EYA4: variants seen among roughly 807,000 people sequenced by gnomAD.
EYA4 encodes the protein protein phosphatase EYA4.
Under a neutral mutation model 87.9 loss-of-function variants are expected in EYA4, and 31 were observed. The ratio of observed to expected loss-of-function variants is 0.35; its 90% CI spans 0.27 to 0.48. EYA4 has a LOEUF of 0.48. EYA4 is among the 20% of genes least tolerant of loss of function. The pLI is 0.99. For synonymous variants in EYA4, 263 were observed against 270.6 expected, an observed-to-expected ratio of 0.97 and a Z score of 0.28; for missense variants, 678 against 761.4, an observed-to-expected ratio of 0.89 and a Z score of 1.29.
At chr6:133,496,154 T>C (rs1386540854) in intron 13 of EYA4, among the ~76,000 whole-genome samples, 1 of 152,156 alleles carries the variant, frequency 6.6e-6, no homozygotes, top group East Asian at 1.9e-4. Context: ...GGACTTTGCA[T>C]TGCTAATAAC....
intron 3 of EYA4, among the ~76,000 whole-genome samples, chr6:133,414,821 A>T (rs1158057417): frequency 6.6e-6 from 1 of 151,840 alleles, no homozygotes; most frequent in African/African-American, 2.4e-5. Flanking sequence ...GTTCCCTGTT[A>T]CTCCATCTTA....
At chr6:133,318,849 T>G (rs1780826919) in intron 2 of EYA4, among the ~76,000 whole-genome samples, 2 of 152,218 alleles carry the variant, frequency 1.3e-5, no homozygotes, top group African/African-American at 2.4e-5. Context: ...TACTTTCTTC[T>G]TCCACTTCCT....
At chr6:133,294,627 G>A (rs1030320169) in intron 2 of EYA4, among the ~76,000 whole-genome samples, 6 of 151,976 alleles carry the variant, frequency 3.9e-5, no homozygotes, top group African/African-American at 1.5e-4. Context: ...GAGTGCAGTG[G>A]TGCGATCTCG....
At chr6:133,421,321 TAAG>T (rs1790201405) in intron 3 of EYA4, among the ~76,000 whole-genome samples, 1 of 152,184 alleles carries the variant, frequency 6.6e-6, no homozygotes, top group Admixed American at 6.5e-5. Flanking sequence ...TTGTAGAACC[TAAG>T]AAGGAGAGCT....
intron 1 of EYA4, among the ~76,000 whole-genome samples, chr6:133,273,097 G>GTATATATATATATATATATA (rs3065331): frequency 1.7e-4 from 18 of 106,636 alleles, no homozygotes; most frequent in Admixed American, 1.4e-3. Flanking sequence ...ATATATATAT[G>GTATATATATATATATATATA]TATATATATA....
At position 133,468,063 on chromosome 6, in the gene EYA4, A is replaced by G. The variant is rs76773482; in HGVS notation, c.805-503A>G. Reference sequence around the variant, plus strand: ...ATTCATCTTCTTTTATTTACTTTTTACCTCCTGCCAAGAAAACAGAATTAT... The same window carrying G: ...ATTCATCTTCTTTTATTTACTTTTTGCCTCCTGCCAAGAAAACAGAATTAT... On this transcript the variant is annotated intron_variant, in intron 10 of 19. Coordinates refer to ENST00000355286, the MANE Select transcript of EYA4 (RefSeq NM_004100.5). 4.7e-4 allele frequency among the ~76,000 whole-genome samples: 71 copies of G among 152,082 alleles called. 1 individual carries two copies. In the East Asian group the frequency reaches 0.013, roughly 28 times the overall value.
At chr6:133,514,246 T>C (rs533183142) in intron 16 of EYA4, among the ~76,000 whole-genome samples, 1 of 152,338 alleles carries the variant, frequency 6.6e-6, no homozygotes, top group East Asian at 1.9e-4. Context: ...TCTAGTGCTC[T>C]GTACATGATG....
chr6:133,388,786 G>A (rs747170282), intron 3 of EYA4, among the ~76,000 whole-genome samples: 2 of 152,178 alleles, frequency 1.3e-5, no homozygotes, highest in African/African-American at 2.4e-5. Flanking sequence ...CATTCATACC[G>A]TGTTTATTTA....
intron 2 of EYA4, among the ~76,000 whole-genome samples, chr6:133,319,866 G>A (rs1780937929): frequency 6.6e-6 from 1 of 151,748 alleles, no homozygotes; most frequent in South Asian, 2.1e-4. Context: ...ATCGGTGTGT[G>A]CCACCATGCC....
intron 4 of EYA4, among the ~76,000 whole-genome samples, chr6:133,447,813 A>G (rs1793001634): frequency 6.6e-6 from 1 of 152,236 alleles, no homozygotes; most frequent in African/African-American, 2.4e-5. Context: ...GCAATTGCAA[A>G]TGTATAGAAT....
chr6:133,357,157 G>C (rs919319275), intron 2 of EYA4, among the ~76,000 whole-genome samples: 4 of 150,340 alleles, frequency 2.7e-5, no homozygotes, highest in African/African-American at 9.8e-5. Context: ...TGTAGTCCCA[G>C]CTACTTGGGA....
chr6:133,340,345 T>C (rs984727617), intron 2 of EYA4, among the ~76,000 whole-genome samples: 1 of 152,218 alleles, frequency 6.6e-6, no homozygotes, highest in Admixed American at 6.5e-5. Context: ...GTTCTTCTGC[T>C]GCCTTTGCCT....
chr6:133,392,881 A>G (rs1444085702), intron 3 of EYA4, among the ~76,000 whole-genome samples: 2 of 152,120 alleles, frequency 1.3e-5, no homozygotes, highest in African/African-American at 4.8e-5. Flanking sequence ...GAGCTCAGAA[A>G]TCTTTGTGGT....
chr6:133,327,128 AT>A (rs1283297664), intron 2 of EYA4, among the ~76,000 whole-genome samples: 7 of 152,016 alleles, frequency 4.6e-5, no homozygotes, highest in African/African-American at 1.4e-4. Context: ...TTACACTAAA[AT>A]TTATTTTATT....
intron 3 of EYA4, among the ~76,000 whole-genome samples, chr6:133,413,644 A>ACTTGTAT (rs1789445787): frequency 1.3e-5 from 2 of 151,524 alleles, no homozygotes; most frequent in African/African-American, 2.4e-5. Flanking sequence ...GTGTTCTATC[A>ACTTGTAT]CTTGTATCTT....
At chr6:133,275,597 G>A (rs1311737439) in intron 2 of EYA4, among the ~76,000 whole-genome samples, 1 of 148,604 alleles carries the variant, frequency 6.7e-6, no homozygotes, top group Non-Finnish European at 1.5e-5. Flanking sequence ...ATCATGACTT[G>A]ATCTTACAGT....
intron 3 of EYA4, among the ~76,000 whole-genome samples, chr6:133,387,802 T>A (rs1463740184): frequency 6.6e-6 from 1 of 152,160 alleles, no homozygotes; most frequent in African/African-American, 2.4e-5. Context: ...TTGGAAAGTG[T>A]TTTGTCTTGT....
At chr6:133,382,666 T>G (rs1399768400) in intron 3 of EYA4, among the ~76,000 whole-genome samples, 1 of 152,096 alleles carries the variant, frequency 6.6e-6, no homozygotes, top group Non-Finnish European at 1.5e-5. Context: ...TGGAAGTATC[T>G]CTAGAAATAC....
chr6:133,511,978 A>G (rs1391097585), intron 14 of EYA4, among the ~76,000 whole-genome samples: 1 of 136,976 alleles, frequency 7.3e-6, no homozygotes, highest in Non-Finnish European at 1.5e-5. Flanking sequence ...GAGATTCCAT[A>G]TAAAAAAAAA....
Sources: allele counts gnomAD v4.1 joint callset (sites outside exome capture counted in the v4.1 genomes callset), GRCh38; gene constraint gnomAD v4.1.1; transcripts MANE v1.5; gene names NCBI Gene and HGNC (gene_info 2026-07-23, HGNC 2026-07-21).